GLI3: variants seen among roughly 807,000 people sequenced by gnomAD.
GLI3 encodes the protein transcription activator GLI3.
A neutral mutation model predicts 100.8 loss-of-function variants in GLI3; 20 were observed. The ratio of observed to expected loss-of-function variants is 0.20; its 90% CI spans 0.14 to 0.29. The LOEUF is 0.29. Among genes scored for constraint, GLI3 ranks in the 10% least tolerant of loss-of-function variants. GLI3 has a pLI of 1.00. For missense variants in GLI3, 2,040 were observed against 2,128.5 expected (o/e 0.96, Z 0.82); for synonymous variants, 938 against 860.5 (o/e 1.09, Z -1.58).
In GLI3 at chr7:41,963,022, G is replaced by A. The variant is rs911304049; in HGVS notation, c.*1308C>T. 6.6e-6 allele frequency: 1 copy of A among 152,178 alleles called. No individual in the cohort carries two copies. The highest frequency in any genetic ancestry group is 1.5e-5 in the Non-Finnish European group (1 of 68,044). 9.4% of individuals were successfully genotyped at this position (152,178 alleles called of 1,614,324 possible). Reference sequence around the variant, plus strand: ...TGTTTTAATCCAAAACAAAAGTACAGATCCAGTCCACATTAAGGACTAACT... The same window carrying A: ...TGTTTTAATCCAAAACAAAAGTACAAATCCAGTCCACATTAAGGACTAACT... On this transcript the variant is annotated 3_prime_UTR_variant, in exon 15 of 15. Coordinates refer to ENST00000395925, the MANE Select transcript of GLI3 (RefSeq NM_000168.6).
intron 2 of GLI3, among the ~76,000 whole-genome samples, chr7:42,220,073 C>T (rs931172609): frequency 5.3e-5 from 8 of 152,122 alleles, no homozygotes; most frequent in Non-Finnish European, 1.0e-4. Context: ...AGGATGGTCT[C>T]GATCTCCTGA....
intron 1 of GLI3, among the ~76,000 whole-genome samples, chr7:42,253,474 G>T (rs74346251): frequency 2.6e-5 from 4 of 152,190 alleles, no homozygotes; most frequent in African/African-American, 9.6e-5. Context: ...CCCAGCCTGA[G>T]GCTACCAGCT....
intron 6 of GLI3, 144 bp from the exon 7 acceptor site, chr7:42,040,383 TACTAGCTACAGTTGAGGAA>T: frequency 1.4e-6 from 1 of 703,054 alleles, no homozygotes; most frequent in Non-Finnish European, 2.6e-6. Context: ...CCATGTGATC[TACTAGCTACAGTTGAGGAA>T]ACTAGGGAGA....
At position 42,034,848 on chromosome 7, in the gene GLI3, G is replaced by A. The variant is rs562085035; in HGVS notation, c.1028+5190C>T. On this transcript the variant is annotated intron_variant, in intron 7 of 14. Transcript: ENST00000395925. Reference sequence around the variant, plus strand: ...CACTAGCTCTTTTGCTCATTCATTCGTTTATTAATATGCTTAGAGGCTTTT... The same window carrying A: ...CACTAGCTCTTTTGCTCATTCATTCATTTATTAATATGCTTAGAGGCTTTT... Among the ~76,000 whole-genome samples the A allele has an allele frequency of 7.9e-5, 12 of 151,942 alleles. No homozygotes were observed. The East Asian group carries it at 1.2e-3, about 15-fold the overall frequency.
At chr7:42,095,172 G>A (rs1785311603) in intron 3 of GLI3, among the ~76,000 whole-genome samples, 1 of 152,198 alleles carries the variant, frequency 6.6e-6, no homozygotes, top group Admixed American at 6.5e-5. Context: ...AGTTCCTGCA[G>A]AGCTTGTTAC....
At chr7:42,250,091 T>C (rs1789015984) in intron 1 of GLI3, among the ~76,000 whole-genome samples, 1 of 128,284 alleles carries the variant, frequency 7.8e-6, no homozygotes, top group Admixed American at 8.1e-5. Context: ...CAAGACTCTG[T>C]CTCAACAACA....
At chr7:42,002,067 C>T (rs988642522) in intron 10 of GLI3, among the ~76,000 whole-genome samples, 2 of 37,972 alleles carry the variant, frequency 5.3e-5, no homozygotes, top group Admixed American at 3.3e-4. Flanking sequence ...CACACACACA[C>T]ACACACACAC....
chr7:42,049,438 T>C (rs749885194), intron 4 of GLI3, among the ~76,000 whole-genome samples: 1 of 152,224 alleles, frequency 6.6e-6, no homozygotes, highest in Non-Finnish European at 1.5e-5. Context: ...CCCTTTTCCA[T>C]GAGGCATCCC....
At chr7:42,154,470 C>T (rs758493860) in intron 2 of GLI3, among the ~76,000 whole-genome samples, 4 of 152,228 alleles carry the variant, frequency 2.6e-5, no homozygotes, top group Admixed American at 6.5e-5. Flanking sequence ...GAAATTGCTT[C>T]GCTGTGTTTG....
At chr7:42,252,322 C>G (rs1562801327) in intron 1 of GLI3, among the ~76,000 whole-genome samples, 1 of 152,070 alleles carries the variant, frequency 6.6e-6, no homozygotes, top group Non-Finnish European at 1.5e-5. Flanking sequence ...AGGGGAACAA[C>G]AGACACTGGG....
intron 10 of GLI3, among the ~76,000 whole-genome samples, chr7:42,018,391 C>T (rs1562687683): frequency 6.6e-6 from 1 of 152,154 alleles, no homozygotes; most frequent in Non-Finnish European, 1.5e-5. Context: ...ATATCTGAGA[C>T]CCCTATCGCA....
At chr7:42,123,290 C>CT (rs1177759160) in intron 3 of GLI3, among the ~76,000 whole-genome samples, 1 of 152,172 alleles carries the variant, frequency 6.6e-6, no homozygotes, top group Non-Finnish European at 1.5e-5. Context: ...AGCAATAAGA[C>CT]CTTCCTTTAA....
At chr7:42,033,366 T>C (rs1441780064) in intron 7 of GLI3, among the ~76,000 whole-genome samples, 1 of 152,216 alleles carries the variant, frequency 6.6e-6, no homozygotes, top group Non-Finnish European at 1.5e-5. Context: ...AAGAAACTCA[T>C]GTGATAGTAT....
intron 3 of GLI3, among the ~76,000 whole-genome samples, chr7:42,122,180 C>T (rs988126262): frequency 2.1e-4 from 31 of 147,522 alleles, no homozygotes; most frequent in African/African-American, 7.2e-4. Flanking sequence ...AGATAGCATG[C>T]TTATATATAT....
At chr7:41,970,740 G>C (rs975730144) in intron 13 of GLI3, among the ~76,000 whole-genome samples, 1 of 152,140 alleles carries the variant, frequency 6.6e-6, no homozygotes, top group Non-Finnish European at 1.5e-5. Flanking sequence ...AAGAGATTTT[G>C]GGTTCTTGGA....
chr7:42,107,958 C>T (rs1785614451), intron 3 of GLI3, among the ~76,000 whole-genome samples: 1 of 152,182 alleles, frequency 6.6e-6, no homozygotes, highest in South Asian at 2.1e-4. Context: ...TAGTGTAAGT[C>T]TGAGAATCCA....
At chr7:42,052,657 T>A (rs1784375084) in intron 4 of GLI3, among the ~76,000 whole-genome samples, 1 of 152,202 alleles carries the variant, frequency 6.6e-6, no homozygotes, top group African/African-American at 2.4e-5. Flanking sequence ...CAACAACACT[T>A]CTTTTCTTCT....
chr7:42,143,162 A>G (rs1786613697), intron 3 of GLI3, among the ~76,000 whole-genome samples: 1 of 152,188 alleles, frequency 6.6e-6, no homozygotes, highest in Non-Finnish European at 1.5e-5. Context: ...CAAGACTAAC[A>G]GCCTAGGAAG....
chr7:42,170,827 TC>T (rs778481311), intron 2 of GLI3, among the ~76,000 whole-genome samples: 18 of 152,188 alleles, frequency 1.2e-4, no homozygotes, highest in Non-Finnish European at 5.9e-5. Context: ...TTTTTTTCTT[TC>T]CTAAATCCCC....
Sources: gnomAD v4.1 joint callset for allele counts (sites outside exome capture counted in the v4.1 genomes callset) on GRCh38, gnomAD v4.1.1 for gene constraint, MANE v1.5 for transcripts, NCBI Gene and HGNC (gene_info 2026-07-23, HGNC 2026-07-21) for gene names.